Variants in SCAF8 observed in about 807,000 individuals in gnomAD.
SCAF8 encodes the protein SR-related and CTD-associated factor 8.
Under a neutral mutation model 140.5 loss-of-function variants are expected in SCAF8, and 23 were observed. The ratio of observed to expected loss-of-function variants is 0.16; its 90% CI spans 0.12 to 0.23. The LOEUF (loss-of-function observed/expected upper bound fraction) is 0.23, where lower values mean the gene tolerates loss of function less well. SCAF8 is among the 10% of genes least tolerant of loss of function. SCAF8 has a pLI of 1.00. For missense variants in SCAF8, 1,397 were observed against 1,555.7 expected, an observed-to-expected ratio of 0.90 and a Z score of 1.72; for synonymous variants, 575 against 528.9, an observed-to-expected ratio of 1.09 and a Z score of -1.20.
At chr6:154,790,103 A>G (rs1583036774) in intron 4 of SCAF8, among the ~76,000 whole-genome samples, 2 of 152,192 alleles carry the variant, frequency 1.3e-5, no homozygotes, top group African/African-American at 4.8e-5. Context: ...TAACCATAGG[A>G]GGAGAGAGTA....
At chr6:154,803,328 A>T (rs34356926) in intron 7 of SCAF8, among the ~76,000 whole-genome samples, 5,175 of 152,272 alleles carry the variant, frequency 0.034, 124 homozygotes, top group Middle Eastern at 0.082. Flanking sequence ...TGCCTCTATC[A>T]TAATTTGTTT....
intron 1 of SCAF8, among the ~76,000 whole-genome samples, chr6:154,749,052 C>G (rs1161517555): frequency 1.3e-5 from 2 of 152,214 alleles, no homozygotes; most frequent in Non-Finnish European, 2.9e-5. Context: ...AGTGATTCTC[C>G]TGCCTCAGCC....
intron 19 of SCAF8, among the ~76,000 whole-genome samples, chr6:154,831,510 T>C (rs935171682): frequency 8.6e-5 from 13 of 152,014 alleles, no homozygotes; most frequent in Non-Finnish European, 1.3e-4. Flanking sequence ...TAATAGGTAT[T>C]ATCCAGCTAG....
chr6:154,778,769 A>ATGTGTGTG (rs71021079), intron 3 of SCAF8, among the ~76,000 whole-genome samples: 5,644 of 142,082 alleles, frequency 0.04, 142 homozygotes, highest in Non-Finnish European at 0.06. Flanking sequence ...GTCTCAAAAA[A>ATGTGTGTG]TGTGTGTGTG....
intron 17 of SCAF8, among the ~76,000 whole-genome samples, chr6:154,826,333 A>G (rs1778566676): frequency 6.6e-6 from 1 of 152,106 alleles, no homozygotes; most frequent in Non-Finnish European, 1.5e-5. Flanking sequence ...ATGTATTTTT[A>G]TTCTTTCCTT....
chr6:154,789,735 CAGGGTTTCACCGTGTTAGCCAGG>C (rs1777359798), intron 4 of SCAF8, among the ~76,000 whole-genome samples: 1 of 151,648 alleles, frequency 6.6e-6, no homozygotes, highest in Non-Finnish European at 1.5e-5. Context: ...TTATTGGAGA[CAGGGTTTCACCGTGTTAGCCAGG>C]ATGGTCTCGA....
chr6:154,746,549 G>A (rs1047744165), intron 1 of SCAF8, among the ~76,000 whole-genome samples: 1 of 152,042 alleles, frequency 6.6e-6, no homozygotes, highest in African/African-American at 2.4e-5. Context: ...GTTTGTCTTC[G>A]ACAGCAAGAA....
At position 154,827,839 on chromosome 6, in the gene SCAF8, G is replaced by A. The variant is rs200983999; in HGVS notation, c.2140+599G>A. ...ACACCTTTTTTGGGGCGGGGCGGGG[G>A]GGGGGGCGGTGTAAAACTTTATTTT... On this transcript the variant is annotated intron_variant, in intron 18 of 19. Coordinates refer to ENST00000367178, the MANE Select transcript of SCAF8 (RefSeq NM_014892.5). 7.0e-4 allele frequency among the ~76,000 whole-genome samples: 105 copies of A among 150,628 alleles called. 10 individuals carry two copies. The South Asian group carries it at 0.018, about 25-fold the overall frequency.
Position 154,764,808 on chromosome 6 carries a change from G to A in SCAF8, c.31-9181G>A, listed in dbSNP as rs537107460. Among the ~76,000 whole-genome samples, 22 of 152,214 alleles carry A rather than the reference G, an allele frequency of 1.4e-4. No individual in the cohort carries two copies. The South Asian group carries it at 4.6e-3, about 32-fold the overall frequency. ...GAATCAGCTTTCATTCTTTTTCAGC[G>A]TTTTTCAGCGTAAAACCATGATTTT... is the stretch of plus-strand genomic sequence containing the variant. On this transcript the variant is annotated intron_variant, in intron 1 of 19. Transcript: ENST00000367178.
At chr6:154,787,719 A>G (rs923911418) in intron 3 of SCAF8, 142 bp from the exon 4 acceptor site, 5 of 624,198 alleles carry the variant, frequency 8.0e-6, no homozygotes, top group African/African-American at 5.5e-5. Context: ...AACTGATGAT[A>G]TTGGAGTAGT....
chr6:154,750,433 T>C (rs1162181160), intron 1 of SCAF8, among the ~76,000 whole-genome samples: 1 of 152,056 alleles, frequency 6.6e-6, no homozygotes, highest in Non-Finnish European at 1.5e-5. Flanking sequence ...TGTAGAATCT[T>C]TTCATCCTCA....
At chr6:154,774,095 C>T (rs763866739) in intron 2 of SCAF8, 23 bp downstream of exon 2, 17 of 1,468,332 alleles carry the variant, frequency 1.2e-5, no homozygotes, top group East Asian at 2.3e-5. Flanking sequence ...TTTTACTCTT[C>T]TATTTTCAAA....
intron 1 of SCAF8, among the ~76,000 whole-genome samples, chr6:154,766,668 C>CTTT (rs1226739849): frequency 4.1e-4 from 40 of 97,286 alleles, no homozygotes; most frequent in East Asian, 2.9e-3. Context: ...CACCCCCCCC[C>CTTT]CTTTTTTTTT....
At chr6:154,788,153 A>G (rs901732648) in intron 4 of SCAF8, 131 bp downstream of exon 4, 4 of 711,262 alleles carry the variant, frequency 5.6e-6, no homozygotes, top group Non-Finnish European at 2.3e-6. Flanking sequence ...GACCGCATAT[A>G]CAGTGGTGGT....
intron 14 of SCAF8, 21 bp from the exon 15 acceptor site, chr6:154,820,156 T>C: frequency 6.4e-7 from 1 of 1,552,750 alleles, no homozygotes; most frequent in South Asian, 1.3e-5. Flanking sequence ...CTTTCTTTTT[T>C]CCTCTTCCCA....
Position 154,782,286 on chromosome 6 carries a change from G to A in SCAF8, c.159+4241G>A, listed in dbSNP as rs115869487. 7.6e-3 allele frequency among the ~76,000 whole-genome samples: 1,163 copies of A among 152,258 alleles called. 17 individuals carry two copies. The highest frequency in any genetic ancestry group is 0.026 in the African/African-American group (1,077 of 41,548). ...TAACTGGGCAAAGTGGCAAGTGCCC[G>A]TGTTCCCAGCTGCTTATGTGGGTGA... On this transcript the variant is annotated intron_variant, in intron 3 of 19. Transcript: ENST00000367178.
At chr6:154,774,996 C>T (rs901049905) in intron 2 of SCAF8, among the ~76,000 whole-genome samples, 5 of 152,080 alleles carry the variant, frequency 3.3e-5, no homozygotes, top group Admixed American at 2.6e-4. Flanking sequence ...TATGAATATT[C>T]AGTGATATGT....
intron 1 of SCAF8, among the ~76,000 whole-genome samples, chr6:154,744,148 C>G (rs1778638663): frequency 6.6e-6 from 1 of 152,080 alleles, no homozygotes; most frequent in Non-Finnish European, 1.5e-5. Flanking sequence ...TAAAAATTAG[C>G]CAGGCGTGGT....
intron 1 of SCAF8, among the ~76,000 whole-genome samples, chr6:154,753,174 C>T (rs1778881401): frequency 6.6e-6 from 1 of 151,748 alleles, no homozygotes; most frequent in African/African-American, 2.4e-5. Flanking sequence ...AGTAAAAATA[C>T]AAAAATTAAG....
Sources: gnomAD v4.1 joint callset for allele counts (sites outside exome capture counted in the v4.1 genomes callset) on GRCh38, gnomAD v4.1.1 for gene constraint, MANE v1.5 for transcripts, NCBI Gene and HGNC (gene_info 2026-07-23, HGNC 2026-07-21) for gene names.